The following TPTE2 variants were observed in gnomAD, a reference collection of about 807,000 sequenced individuals.
TPTE2 encodes transmembrane phosphoinositide 3-phosphatase and tensin homolog 2, also known as phosphatidylinositol 3,4,5-trisphosphate 3-phosphatase TPTE2.
In TPTE2, 53 loss-of-function variants were observed where a neutral mutation model predicts 78.6. That is an observed-to-expected ratio of 0.67 (90% CI 0.54 to 0.85). TPTE2 has a LOEUF of 0.85. TPTE2 is among the 40% of genes least tolerant of loss of function. TPTE2 has a pLI of 0.00. For synonymous variants in TPTE2, 175 were observed against 206.2 expected, an observed-to-expected ratio of 0.85 and a Z score of 1.30; for missense variants, 461 against 623.0, an observed-to-expected ratio of 0.74 and a Z score of 2.77.
chr13:19,433,393 C>T (rs1488985191), intron 15 of TPTE2, among the ~76,000 whole-genome samples: 1 of 152,154 alleles, frequency 6.6e-6, no homozygotes, highest in Non-Finnish European at 1.5e-5. Context: ...AATCCCAGCA[C>T]TCGGGAGGCT....
intron 13 of TPTE2, among the ~76,000 whole-genome samples, chr13:19,443,848 C>T (rs1877655952): frequency 2.6e-5 from 4 of 151,776 alleles, no homozygotes; most frequent in Non-Finnish European, 5.9e-5. Flanking sequence ...TTGATGGCTG[C>T]TATTGCCACT....
intron 1 of TPTE2, among the ~76,000 whole-genome samples, chr13:19,515,723 C>T (rs1212148193): frequency 6.6e-6 from 1 of 152,156 alleles, no homozygotes; most frequent in Non-Finnish European, 1.5e-5. Context: ...ATGAATAAAT[C>T]ATAACAAGGG....
exon 4 of TPTE2, chr13:19,482,494 G>A (rs267603769): frequency 6.2e-7 from 1 of 1,611,808 alleles, no homozygotes; most frequent in South Asian, 1.1e-5. Flanking sequence ...TTACTCATAT[G>A]AAGCAACATT....
chr13:19,485,323 G>A (rs1321604492), intron 3 of TPTE2, among the ~76,000 whole-genome samples: 6 of 151,898 alleles, frequency 4.0e-5, no homozygotes, highest in Non-Finnish European at 8.8e-5. Context: ...GCTGTGCTGG[G>A]TATAATATTC....
chr13:19,522,809 G>A (rs938526202), intron 1 of TPTE2, among the ~76,000 whole-genome samples: 1 of 151,218 alleles, frequency 6.6e-6, no homozygotes, highest in Non-Finnish European at 1.5e-5. Flanking sequence ...ATTTTTTTTA[G>A]TAGAGACAGG....
chr13:19,536,573 G>C (rs1871223024), intron 1 of TPTE2: 1 of 151,992 alleles, frequency 6.6e-6, no homozygotes, highest in Non-Finnish European at 1.5e-5. Flanking sequence ...CTATTATATT[G>C]CATGTATTCT....
chr13:19,545,852 C>T, the TPTE2 span, among the ~76,000 whole-genome samples: 1 of 152,322 alleles, frequency 6.6e-6, no homozygotes, highest in South Asian at 2.1e-4. Flanking sequence ...TCAAAATCTA[C>T]TCTTGCTTTT....
At chr13:19,553,922 T>C in the TPTE2 span, among the ~76,000 whole-genome samples, 1 of 152,202 alleles carries the variant, frequency 6.6e-6, no homozygotes, top group Non-Finnish European at 1.5e-5. Context: ...ATATGTGCAG[T>C]TTGTTGCACA....
intron 3 of TPTE2, among the ~76,000 whole-genome samples, chr13:19,489,450 T>C (rs1014571731): frequency 3.3e-5 from 5 of 151,124 alleles, no homozygotes; most frequent in Admixed American, 6.6e-5. Flanking sequence ...TATATACATA[T>C]ATATGCTAAA....
At chr13:19,555,803 C>CTTTT in the TPTE2 span, among the ~76,000 whole-genome samples, 202 of 81,058 alleles carry the variant, frequency 2.5e-3, 15 homozygotes, top group African/African-American at 9.3e-3. Flanking sequence ...CAACAAATTT[C>CTTTT]TTTTTTTTTT....
the TPTE2 span, among the ~76,000 whole-genome samples, chr13:19,549,259 A>G: frequency 9.2e-5 from 14 of 152,196 alleles, no homozygotes; most frequent in African/African-American, 2.7e-4. Flanking sequence ...AAACTATGCA[A>G]CCAACAAAGG....
At chr13:19,493,854 G>A (rs908267773) in intron 1 of TPTE2, among the ~76,000 whole-genome samples, 14 of 152,130 alleles carry the variant, frequency 9.2e-5, no homozygotes, top group Non-Finnish European at 1.8e-4. Context: ...CTGCTTAAAA[G>A]GCCCTCCATT....
chr13:19,490,315 CTAGACT>C (rs1191621732), intron 3 of TPTE2, among the ~76,000 whole-genome samples: 10 of 152,050 alleles, frequency 6.6e-5, no homozygotes, highest in African/African-American at 7.2e-5. Context: ...ACATGTTATC[CTAGACT>C]TAATTTTCTG....
At chr13:19,489,780 G>GACAT (rs1566062110) in intron 3 of TPTE2, among the ~76,000 whole-genome samples, 6 of 151,236 alleles carry the variant, frequency 4.0e-5, no homozygotes, top group Middle Eastern at 6.9e-3. Context: ...TGTGTGTGTA[G>GACAT]ATCCTTTAGC....
At chr13:19,449,995 G>T (rs1040697535) in intron 13 of TPTE2, 81 bp downstream of exon 16, 1 of 1,432,576 alleles carries the variant, frequency 7.0e-7, no homozygotes, top group Non-Finnish European at 9.6e-7. Context: ...CATATTAATA[G>T]CAATACGTAT....
intron 1 of TPTE2, among the ~76,000 whole-genome samples, chr13:19,525,549 T>C (rs963951551): frequency 2.0e-5 from 3 of 152,022 alleles, no homozygotes; most frequent in African/African-American, 7.3e-5. Context: ...AATCAACCCA[T>C]GATGGATAAA....
chr13:19,436,152 A>G (rs2137490363), intron 15 of TPTE2, 74 bp downstream of exon 18: 1 of 1,294,018 alleles, frequency 7.7e-7, no homozygotes, highest in Non-Finnish European at 1.1e-6. Context: ...AGAGTCTAAA[A>G]TGAAACCAAA....
chr13:19,443,716 T>G (rs1877634622), intron 13 of TPTE2, among the ~76,000 whole-genome samples: 3 of 149,020 alleles, frequency 2.0e-5, no homozygotes. Flanking sequence ...AGGAATTTCT[T>G]AATCGATAAA....
rs148581829 is a variant in TPTE2 at position 19,488,179 on chromosome 13, G to A, written c.119+4671C>T. ...ATCTTAGACGTGTATTTGTTGCCTC[G>A]GTTTTTTCTCGTAGGGGAGATGAGC... On this transcript the variant is annotated intron_variant, in intron 3 of 19. Transcript: ENST00000400230. 4.7e-3 allele frequency among the ~76,000 whole-genome samples: 721 copies of A among 152,222 alleles called. 4 individuals carry two copies. Among genetic ancestry groups the A allele is most frequent in the African/African-American group, 0.015 (623 of 41,524 alleles).
Sources: allele counts gnomAD v4.1 joint callset (sites outside exome capture counted in the v4.1 genomes callset), GRCh38; gene constraint gnomAD v4.1.1; transcripts MANE v1.5; gene names NCBI Gene and HGNC (gene_info 2026-07-23, HGNC 2026-07-21).